The following NCEH1 variants were observed in gnomAD, a reference collection of about 807,000 sequenced individuals.
NCEH1 encodes 2-acetyl MAGE hydrolase.
In NCEH1, 9 loss-of-function variants were observed where a neutral mutation model predicts 25.4. The observed-to-expected ratio is 0.35, with a 90% CI of 0.21 to 0.62. The LOEUF is 0.62. Ranked by LOEUF, NCEH1 falls within the 20% of genes least tolerant of loss-of-function variation. The pLI, the probability that NCEH1 is intolerant of heterozygous loss-of-function variation, is 0.72. For missense variants in NCEH1, 412 were observed against 501.1 expected (o/e 0.82, Z 1.70); for synonymous variants, 200 against 199.8 (o/e 1.00, Z -0.01).
intron 1 of NCEH1, among the ~76,000 whole-genome samples, chr3:172,708,437 C>T (rs769797948): frequency 2.6e-5 from 4 of 152,188 alleles, no homozygotes; most frequent in Non-Finnish European, 5.9e-5. Flanking sequence ...CTCAACGCAA[C>T]CTCCGCCTCC....
At chr3:172,648,161 G>T (rs188813782) in intron 1 of NCEH1, 47 bp from the exon 2 acceptor site, 2 of 1,608,422 alleles carry the variant, frequency 1.2e-6, no homozygotes, top group South Asian at 2.2e-5. Context: ...ACGTCAACTT[G>T]GCATCACCAG....
intron 3 of NCEH1, among the ~76,000 whole-genome samples, chr3:172,641,998 T>C (rs1716872436): frequency 6.6e-6 from 1 of 152,218 alleles, no homozygotes; most frequent in African/African-American, 2.4e-5. Flanking sequence ...CTTTCTCTTC[T>C]AGATCATAAA....
chr3:172,707,794 G>A (rs1714090556), intron 1 of NCEH1, among the ~76,000 whole-genome samples: 1 of 152,146 alleles, frequency 6.6e-6, no homozygotes, highest in African/African-American at 2.4e-5. Flanking sequence ...CACCGTATTA[G>A]CCAGGATGGT....
At chr3:172,705,967 C>A (rs1287543199) in intron 1 of NCEH1, among the ~76,000 whole-genome samples, 1 of 145,486 alleles carries the variant, frequency 6.9e-6, no homozygotes, top group Non-Finnish European at 1.5e-5. Context: ...CACTGCACTC[C>A]AGCCTGGGTG....
intron 1 of NCEH1, among the ~76,000 whole-genome samples, chr3:172,679,562 C>T (rs976876008): frequency 2.6e-5 from 4 of 151,878 alleles, no homozygotes; most frequent in Non-Finnish European, 5.9e-5. Context: ...GCCCACCAGA[C>T]ACCTAAACAC....
intron 1 of NCEH1, among the ~76,000 whole-genome samples, chr3:172,676,592 T>C (rs1712021547): frequency 6.6e-6 from 1 of 151,872 alleles, no homozygotes; most frequent in Admixed American, 6.6e-5. Flanking sequence ...ACACACGGGG[T>C]TTCTCGTCGT....
At chr3:172,689,865 TCAAG>T (rs1464312750) in intron 1 of NCEH1, among the ~76,000 whole-genome samples, 1 of 151,400 alleles carries the variant, frequency 6.6e-6, no homozygotes, top group African/African-American at 2.4e-5. Flanking sequence ...GTTTAACCCC[TCAAG>T]CATTTTTTTA....
chr3:172,658,840 C>CTTT lies in NCEH1; in HGVS notation c.139-10729_139-10727dup, dbSNP rs33955977. Among the ~76,000 whole-genome samples the CTTT allele has an allele frequency of 8.5e-4, 63 of 74,220 alleles. 2 individuals are homozygous for CTTT. The highest frequency in any genetic ancestry group is 2.3e-3 in the Admixed American group (13 of 5,720). The allele number at this position is 74,220 out of a possible 152,430, so 48.7% of individuals were successfully genotyped here. ...AGGTTGTCTCTTTCCAATTCCAAAACTTTTTTTTTTTTTTTTTTTTTTTTT... is the reference window on the plus strand; with the variant it reads ...AGGTTGTCTCTTTCCAATTCCAAAACTTTTTTTTTTTTTTTTTTTTTTTTTTTT... On this transcript the variant is annotated intron_variant, in intron 1 of 4. Coordinates refer to ENST00000475381, the MANE Select transcript of NCEH1 (RefSeq NM_020792.6).
chr3:172,697,420 T>C (rs780666165), intron 1 of NCEH1, among the ~76,000 whole-genome samples: 8 of 152,226 alleles, frequency 5.3e-5, no homozygotes, highest in Non-Finnish European at 8.8e-5. Flanking sequence ...TGCCTAGCTG[T>C]AGCCAATCAA....
At position 172,699,238 on chromosome 3, in the gene NCEH1, G is replaced by A. The variant is rs532793618; in HGVS notation, c.138+11609C>T. Among the ~76,000 whole-genome samples, 17 of 152,228 alleles carry A rather than the reference G, an allele frequency of 1.1e-4. No individual in the cohort carries two copies. In the East Asian group the frequency reaches 1.4e-3, roughly 12 times the overall value. On this transcript the variant is annotated intron_variant, in intron 1 of 4. Coordinates refer to ENST00000475381, the MANE Select transcript of NCEH1 (RefSeq NM_020792.6). Reference sequence around the variant, plus strand: ...AAGTAAAAGGGTGGGAGGGCATCTGGGACAGAGGGGACAACAGGAGAAGCG... The same window carrying A: ...AAGTAAAAGGGTGGGAGGGCATCTGAGACAGAGGGGACAACAGGAGAAGCG...
At chr3:172,652,348 G>C (rs143886156) in intron 1 of NCEH1, among the ~76,000 whole-genome samples, 1 of 152,190 alleles carries the variant, frequency 6.6e-6, no homozygotes, top group African/African-American at 2.4e-5. Context: ...GAATAGAAAT[G>C]TGTGCTAATG....
intron 1 of NCEH1, among the ~76,000 whole-genome samples, chr3:172,681,469 T>C (rs760116299): frequency 3.3e-5 from 5 of 152,170 alleles, no homozygotes; most frequent in Non-Finnish European, 7.3e-5. Context: ...GAAACTATTA[T>C]TTCATGATCT....
intron 3 of NCEH1, among the ~76,000 whole-genome samples, chr3:172,636,632 C>T (rs1295258961): frequency 3.3e-5 from 5 of 152,180 alleles, no homozygotes; most frequent in Non-Finnish European, 7.4e-5. Flanking sequence ...ACCTGGAAGA[C>T]TGTAACTAAA....
intron 1 of NCEH1, among the ~76,000 whole-genome samples, chr3:172,662,784 T>C (rs552529179): frequency 6.6e-6 from 1 of 152,364 alleles, no homozygotes; most frequent in South Asian, 2.1e-4. Context: ...TGATGGTAGT[T>C]TGTATTTCTG....
chr3:172,697,654 G>C, intron 1 of NCEH1, among the ~76,000 whole-genome samples: 1 of 151,990 alleles, frequency 6.6e-6, no homozygotes, highest in South Asian at 2.1e-4. Flanking sequence ...AGCCACAAAA[G>C]AGCTGAGCGT....
At chr3:172,698,754 T>C (rs922695993) in intron 1 of NCEH1, among the ~76,000 whole-genome samples, 6 of 152,268 alleles carry the variant, frequency 3.9e-5, no homozygotes, top group African/African-American at 1.4e-4. Flanking sequence ...ATGAGGAAGT[T>C]AGAAACCCAG....
chr3:172,710,891 T>G lies in NCEH1; in HGVS notation c.94A>C (p.Lys32Gln). The G allele has an allele frequency of 6.2e-7, 1 of 1,614,138 alleles. No individual in the cohort carries two copies. Among genetic ancestry groups the G allele is most frequent in the Non-Finnish European group, 8.5e-7 (1 of 1,180,030 alleles). Residue 32 changes from lysine to glutamine, a missense_variant, in exon 1 of 5, where the codon AAG becomes CAG. Lys to Gln is a moderately conservative substitution (Grantham distance 53). Transcript: ENST00000475381. ...AAAGTGGCGTCCAGCAGCATCAGCTTCCAGGGGTCGGACACGGAGCCAGGC... is the reference window on the plus strand; with the variant it reads ...AAAGTGGCGTCCAGCAGCATCAGCTGCCAGGGGTCGGACACGGAGCCAGGC... ...PLPGSVSDPW[K>Q]LMLLDATFRG... is the part of the protein sequence containing the mutation.
At position 172,649,630 on chromosome 3, in the gene NCEH1, C is replaced by T. The variant is rs190483753; in HGVS notation, c.139-1516G>A. On this transcript the variant is annotated intron_variant, in intron 1 of 4. Coordinates refer to ENST00000475381, the MANE Select transcript of NCEH1 (RefSeq NM_020792.6). Reference sequence around the variant, plus strand: ...AAATTGGAAGAAGGCAATTACCATTCGAGTTTTGTGGTAAAATGTTAGTCT... The same window carrying T: ...AAATTGGAAGAAGGCAATTACCATTTGAGTTTTGTGGTAAAATGTTAGTCT... Among the ~76,000 whole-genome samples the T allele has an allele frequency of 8.5e-4, 130 of 152,302 alleles. 1 individual carries two copies. The highest frequency in any genetic ancestry group is 7.4e-3 in the Admixed American group (113 of 15,298).
chr3:172,652,831 G>A (rs1467040353), intron 1 of NCEH1, among the ~76,000 whole-genome samples: 1 of 151,904 alleles, frequency 6.6e-6, no homozygotes, highest in Non-Finnish European at 1.5e-5. Context: ...AAATAGCTGG[G>A]ATTACAGATG....
Sources: gnomAD v4.1 joint callset for allele counts (sites outside exome capture counted in the v4.1 genomes callset) on GRCh38, gnomAD v4.1.1 for gene constraint, MANE v1.5 for transcripts, NCBI Gene and HGNC (gene_info 2026-07-23, HGNC 2026-07-21) for gene names.